The following NBEA variants were observed in gnomAD, a reference collection of about 807,000 sequenced individuals.
NBEA encodes the protein neurobeachin.
A neutral mutation model predicts 343.4 loss-of-function variants in NBEA; 44 were observed. The ratio of observed to expected loss-of-function variants is 0.13; its 90% CI spans 0.10 to 0.16. The LOEUF (loss-of-function observed/expected upper bound fraction) is 0.16, where lower values mean the gene tolerates loss of function less well. Ranked by LOEUF, NBEA falls within the 10% of genes least tolerant of loss-of-function variation. NBEA has a pLI of 1.00. For missense variants in NBEA, 2,555 were observed against 3,631.3 expected (o/e 0.70, Z 7.62); for synonymous variants, 1,175 against 1,238.7 (o/e 0.95, Z 1.08).
intron 36 of NBEA, among the ~76,000 whole-genome samples, chr13:35,338,631 A>C (rs943097653): frequency 2.5e-4 from 38 of 152,068 alleles, no homozygotes; most frequent in Middle Eastern, 3.2e-3. Context: ...ATTACCCTTA[A>C]TGATACCAAA....
chr13:35,501,331 G>A (rs2076879043), intron 41 of NBEA, among the ~76,000 whole-genome samples: 1 of 152,108 alleles, frequency 6.6e-6, no homozygotes, highest in African/African-American at 2.4e-5. Flanking sequence ...CCAGCTAAAT[G>A]TTTAGTGGAG....
At chr13:35,491,016 T>C (rs2076481697) in intron 41 of NBEA, among the ~76,000 whole-genome samples, 1 of 151,966 alleles carries the variant, frequency 6.6e-6, no homozygotes, top group African/African-American at 2.4e-5. Flanking sequence ...AATAAATTAA[T>C]ACACATAAAA....
intron 33 of NBEA, among the ~76,000 whole-genome samples, chr13:35,214,812 A>G (rs192148929): frequency 6.6e-6 from 1 of 151,926 alleles, no homozygotes; most frequent in African/African-American, 2.4e-5. Context: ...TTCTAAAATA[A>G]AAGTTTTGTA....
At chr13:35,036,786 T>C (rs1024793284) in intron 1 of NBEA, among the ~76,000 whole-genome samples, 1 of 152,174 alleles carries the variant, frequency 6.6e-6, no homozygotes, top group African/African-American at 2.4e-5. Context: ...GGAGCTCCTT[T>C]GTATGTTCTT....
intron 17 of NBEA, among the ~76,000 whole-genome samples, chr13:35,138,459 C>CATT (rs1555315869): frequency 7.3e-6 from 1 of 136,454 alleles, no homozygotes; most frequent in African/African-American, 2.7e-5. Context: ...AATTATGCTA[C>CATT]TTTTTTTTTT....
chr13:35,567,965 A>G (rs201783602), intron 45 of NBEA, among the ~76,000 whole-genome samples: 2 of 152,252 alleles, frequency 1.3e-5, no homozygotes, highest in East Asian at 3.9e-4. Context: ...GAAGTTCTAT[A>G]TTGCACTAGT....
At chr13:35,480,589 A>G (rs932329825) in intron 41 of NBEA, among the ~76,000 whole-genome samples, 3 of 152,048 alleles carry the variant, frequency 2.0e-5, no homozygotes, top group African/African-American at 4.8e-5. Context: ...TAAAAAGAAT[A>G]TGAAGTTGAG....
intron 41 of NBEA, among the ~76,000 whole-genome samples, chr13:35,531,086 A>C (rs1371132799): frequency 6.6e-6 from 1 of 152,208 alleles, no homozygotes. Flanking sequence ...GGCCCCTTTA[A>C]GACTAACGAT....
At chr13:35,662,476 T>G (rs1030432215) in intron 55 of NBEA, among the ~76,000 whole-genome samples, 24 of 152,258 alleles carry the variant, frequency 1.6e-4, no homozygotes, top group Non-Finnish European at 2.6e-4. Context: ...GTGACATCTG[T>G]CCCTAGCAAC....
intron 41 of NBEA, among the ~76,000 whole-genome samples, chr13:35,542,039 A>G (rs2078852252): frequency 1.3e-5 from 2 of 152,036 alleles, no homozygotes; most frequent in Non-Finnish European, 2.9e-5. Flanking sequence ...CTTAAGTCTA[A>G]GGTAAGCAGG....
intron 36 of NBEA, among the ~76,000 whole-genome samples, chr13:35,321,278 G>A (rs1198225344): frequency 6.6e-6 from 1 of 152,078 alleles, no homozygotes; most frequent in East Asian, 1.9e-4. Flanking sequence ...AGGTTTTTGA[G>A]TGGGCGTCCT....
chr13:35,246,867 T>A (rs2031279333), intron 34 of NBEA, among the ~76,000 whole-genome samples: 1 of 152,036 alleles, frequency 6.6e-6, no homozygotes, highest in African/African-American at 2.4e-5. Flanking sequence ...GAGAATATGA[T>A]CTTTGTCTTC....
intron 10 of NBEA, among the ~76,000 whole-genome samples, chr13:35,075,222 A>T (rs566926577): frequency 1.3e-5 from 2 of 152,160 alleles, no homozygotes; most frequent in Non-Finnish European, 2.9e-5. Context: ...GATTTTAATA[A>T]GTGCCAACTT....
chr13:35,229,051 A>G lies in NBEA; in HGVS notation c.5649-3441A>G, dbSNP rs1384978952. ...TTTTGTTTTTGTTTTCTGTGGCAAA[A>G]TAGGGGTCTTGCTCTGTTACCCAGG... On this transcript the variant is annotated intron_variant, in intron 33 of 58. Transcript: ENST00000379939. 2.6e-5 allele frequency among the ~76,000 whole-genome samples: 4 copies of G among 152,194 alleles called. No homozygotes were observed. In the East Asian group the frequency reaches 7.7e-4, roughly 29 times the overall value.
chr13:35,226,022 A>G, intron 33 of NBEA, among the ~76,000 whole-genome samples: 1 of 152,180 alleles, frequency 6.6e-6, no homozygotes, highest in East Asian at 1.9e-4. Context: ...TAAATACTAC[A>G]CTACAAAATG....
At chr13:35,298,231 A>G (rs1478980636) in intron 35 of NBEA, among the ~76,000 whole-genome samples, 6 of 142,214 alleles carry the variant, frequency 4.2e-5, no homozygotes, top group Admixed American at 7.1e-5. Context: ...ATATATATAT[A>G]TATATATATA....
At chr13:35,230,833 A>G (rs1041875108) in intron 33 of NBEA, among the ~76,000 whole-genome samples, 5 of 152,152 alleles carry the variant, frequency 3.3e-5, no homozygotes, top group Admixed American at 2.0e-4. Flanking sequence ...CATCAACACC[A>G]CTGACTGAGA....
chr13:35,061,617 C>T (rs1265180592), intron 8 of NBEA, among the ~76,000 whole-genome samples: 1 of 151,644 alleles, frequency 6.6e-6, no homozygotes, highest in Non-Finnish European at 1.5e-5. Context: ...TTTGAGTTCT[C>T]TCCTTCATTT....
intron 4 of NBEA, among the ~76,000 whole-genome samples, chr13:35,046,542 G>A (rs1344851302): frequency 6.6e-6 from 1 of 151,966 alleles, no homozygotes; most frequent in East Asian, 1.9e-4. Flanking sequence ...CTGAAACTGC[G>A]GATGGTACTG....
Sources: gnomAD v4.1 joint callset for allele counts (sites outside exome capture counted in the v4.1 genomes callset) on GRCh38, gnomAD v4.1.1 for gene constraint, MANE v1.5 for transcripts, NCBI Gene and HGNC (gene_info 2026-07-23, HGNC 2026-07-21) for gene names.